The following DENND1A variants were observed in gnomAD, a reference collection of about 807,000 sequenced individuals.
DENND1A encodes DENN domain containing 1A.
DENND1A carries 51 observed loss-of-function variants against 113.7 expected under a neutral mutation model. The ratio of observed to expected loss-of-function variants is 0.45; its 90% CI spans 0.36 to 0.57. The LOEUF is 0.57. Ranked by LOEUF, DENND1A falls within the 20% of genes least tolerant of loss-of-function variation. The probability of loss-of-function intolerance (pLI) is 0.00; values close to 1 mark genes in which losing one functional copy is unlikely to be tolerated. For synonymous variants in DENND1A, 565 were observed against 570.8 expected, an observed-to-expected ratio of 0.99 and a Z score of 0.14; for missense variants, 1,258 against 1,395.9, an observed-to-expected ratio of 0.90 and a Z score of 1.57.
At chr9:123,396,224 T>C (rs2131161158) in intron 21 of DENND1A, among the ~76,000 whole-genome samples, 1 of 152,260 alleles carries the variant, frequency 6.6e-6, no homozygotes, top group East Asian at 1.9e-4. Context: ...CTGGAGATGT[T>C]AATAGGCATC....
intron 13 of DENND1A, among the ~76,000 whole-genome samples, chr9:123,514,693 T>C (rs2053751231): frequency 6.6e-6 from 1 of 152,174 alleles, no homozygotes; most frequent in Non-Finnish European, 1.5e-5. Flanking sequence ...TAGGAACCAT[T>C]GGTGTGAACC....
intron 3 of DENND1A, among the ~76,000 whole-genome samples, chr9:123,773,409 C>T (rs1417603019): frequency 1.3e-5 from 2 of 152,080 alleles, no homozygotes; most frequent in African/African-American, 2.4e-5. Context: ...TCAGAAGGCC[C>T]GAATTTACTC....
At chr9:123,909,768 T>C (rs1318048843) in intron 1 of DENND1A, among the ~76,000 whole-genome samples, 1 of 152,142 alleles carries the variant, frequency 6.6e-6, no homozygotes, top group African/African-American at 2.4e-5. Context: ...ACAGAAAACC[T>C]GACTGTATAC....
intron 13 of DENND1A, 100 bp from the exon 14 acceptor site, chr9:123,457,997 T>C: frequency 2.2e-6 from 2 of 920,700 alleles, no homozygotes; most frequent in Non-Finnish European, 1.6e-6. Flanking sequence ...CTATTTTTTT[T>C]CTTTTCCTTT....
intron 11 of DENND1A, among the ~76,000 whole-genome samples, chr9:123,590,264 T>C (rs2137027472): frequency 6.6e-6 from 1 of 152,312 alleles, no homozygotes; most frequent in Non-Finnish European, 1.5e-5. Flanking sequence ...ATTCCTTCCC[T>C]AGTCTACAGG....
chr9:123,396,420 T>C (rs1322045790), intron 21 of DENND1A, among the ~76,000 whole-genome samples: 1 of 152,222 alleles, frequency 6.6e-6, no homozygotes, highest in Non-Finnish European at 1.5e-5. Context: ...GCTCTACCCC[T>C]GTGTGATCCA....
intron 5 of DENND1A, among the ~76,000 whole-genome samples, chr9:123,753,987 T>A (rs2070299740): frequency 6.6e-6 from 1 of 152,032 alleles, no homozygotes; most frequent in Admixed American, 6.6e-5. Context: ...AAGGAGGAAG[T>A]GAAGCTAAAT....
chr9:123,902,160 G>C (rs954553024), intron 1 of DENND1A, among the ~76,000 whole-genome samples: 1 of 134,126 alleles, frequency 7.5e-6, no homozygotes, highest in Non-Finnish European at 1.6e-5. Context: ...ATACTCATGG[G>C]TCACACACAC....
intron 1 of DENND1A, among the ~76,000 whole-genome samples, chr9:123,915,113 C>T (rs1854848225): frequency 6.6e-6 from 1 of 152,098 alleles, no homozygotes; most frequent in African/African-American, 2.4e-5. Flanking sequence ...GCTCTCTCTA[C>T]AGGGCTAGTG....
At chr9:123,445,641 C>T (rs184474555) in intron 18 of DENND1A, among the ~76,000 whole-genome samples, 7 of 152,258 alleles carry the variant, frequency 4.6e-5, no homozygotes, top group African/African-American at 1.4e-4. Flanking sequence ...GAGGCCGAGG[C>T]GGGCAGATCA....
chr9:123,509,938 C>T (rs1588906455), intron 13 of DENND1A, among the ~76,000 whole-genome samples: 1 of 152,334 alleles, frequency 6.6e-6, no homozygotes, highest in African/African-American at 2.4e-5. Flanking sequence ...AAGTTGCCTA[C>T]CTCAGATGAA....
In DENND1A at chr9:123,711,513, G is replaced by GTATATA. The variant is rs56814463; in HGVS notation, c.303-34730_303-34725dup. Among the ~76,000 whole-genome samples the GTATATA allele has an allele frequency of 1.3e-3, 154 of 120,968 alleles. 2 individuals carry two copies. The highest frequency in any genetic ancestry group is 0.011 in the South Asian group (42 of 3,878). The allele number at this position is 120,968 out of a possible 152,430, so 79.4% of individuals were successfully genotyped here. ...TATATATATATATATATGTATATAT[G>GTATATA]TATATATATATATATATATATATAT... On this transcript the variant is annotated intron_variant, in intron 5 of 23. Coordinates refer to ENST00000394215, the MANE Select transcript of DENND1A (RefSeq NM_001352964.2).
intron 13 of DENND1A, among the ~76,000 whole-genome samples, chr9:123,518,112 G>C (rs543344351): frequency 6.6e-6 from 1 of 152,196 alleles, no homozygotes; most frequent in Admixed American, 6.5e-5. Context: ...AGCCCTGAGC[G>C]GCATTAGGGA....
intron 19 of DENND1A, among the ~76,000 whole-genome samples, chr9:123,436,582 G>A (rs1220113241): frequency 1.3e-5 from 2 of 152,168 alleles, no homozygotes; most frequent in Admixed American, 1.3e-4. Flanking sequence ...TTCCAAGGCA[G>A]GAATAGGCAT....
At chr9:123,739,596 T>TC (rs1238779311) in intron 5 of DENND1A, among the ~76,000 whole-genome samples, 5 of 152,116 alleles carry the variant, frequency 3.3e-5, no homozygotes, top group Admixed American at 2.0e-4. Context: ...GTCCTACTCT[T>TC]CTAAGATGAT....
chr9:123,554,452 C>A lies in DENND1A; in HGVS notation c.993+3118G>T, dbSNP rs1589116934. On this transcript the variant is annotated intron_variant, in intron 13 of 23. Coordinates refer to ENST00000394215, the MANE Select transcript of DENND1A (RefSeq NM_001352964.2). ...GGCTGGTCTTAAATGTGCCACCATG[C>A]CTGGCTGCCCCAAGCAATCTTACAT... 3.9e-5 allele frequency among the ~76,000 whole-genome samples: 6 copies of A among 152,282 alleles called. 1 individual carries two copies. Among genetic ancestry groups the A allele is most frequent in the Admixed American group, 3.9e-4 (6 of 15,302 alleles).
chr9:123,517,121 C>T (rs1359770764), intron 13 of DENND1A, among the ~76,000 whole-genome samples: 3 of 149,700 alleles, frequency 2.0e-5, no homozygotes, highest in South Asian at 2.1e-4. Context: ...GGCGTGGTGG[C>T]GGGCACCTGT....
intron 19 of DENND1A, among the ~76,000 whole-genome samples, chr9:123,431,857 T>C (rs1467318132): frequency 6.6e-6 from 1 of 152,142 alleles, no homozygotes; most frequent in East Asian, 1.9e-4. Flanking sequence ...TAAATTGACC[T>C]TATAGTGCTC....
At chr9:123,382,753 A>G in intron 23 of DENND1A, 128 bp from the exon 24 acceptor site, 1 of 1,013,636 alleles carries the variant, frequency 9.9e-7, no homozygotes, top group East Asian at 2.6e-5. Flanking sequence ...AGCTCCTCGG[A>G]CTTGGAACAG....
Sources: gnomAD v4.1 joint callset for allele counts (sites outside exome capture counted in the v4.1 genomes callset) on GRCh38, gnomAD v4.1.1 for gene constraint, MANE v1.5 for transcripts, NCBI Gene and HGNC (gene_info 2026-07-23, HGNC 2026-07-21) for gene names.